The following MRTFA variants were observed in gnomAD, a reference collection of about 807,000 sequenced individuals.
MRTFA encodes myocardin related transcription factor A.
Under a neutral mutation model 83.5 loss-of-function variants are expected in MRTFA, and 20 were observed. The observed-to-expected ratio is 0.24, with a 90% confidence interval of 0.17 to 0.35. The LOEUF (loss-of-function observed/expected upper bound fraction) is 0.35, where lower values mean the gene tolerates loss of function less well. MRTFA is among the 10% of genes least tolerant of loss of function. The pLI, the probability that MRTFA is intolerant of heterozygous loss-of-function variation, is 1.00. For missense variants in MRTFA, 1,200 were observed against 1,224.7 expected, an observed-to-expected ratio of 0.98 and a Z score of 0.30; for synonymous variants, 659 against 541.2, an observed-to-expected ratio of 1.22 and a Z score of -3.02.
At position 40,411,471 on chromosome 22, in the gene MRTFA, G is replaced by C. The variant is rs1467516946; in HGVS notation, c.3015C>G (p.Leu1005=). The C allele has an allele frequency of 6.2e-7, 1 of 1,605,496 alleles. No homozygotes were observed. The highest frequency in any genetic ancestry group is 8.5e-7 in the Non-Finnish European group (1 of 1,173,262). Residue 1005 remains leucine (L), a synonymous_variant, in exon 15 of 15, where the codon CTC becomes CTG. Coordinates refer to ENST00000355630, the MANE Select transcript of MRTFA (RefSeq NM_020831.6). ...AGAAGAGGCTGGGGGCTGTGGTGCT[G>C]AGGGGGGCTAGGCTCAGCACGGGAC... is the stretch of plus-strand genomic sequence containing the variant.
At chr22:40,554,602 A>T (rs1189458091) in intron 2 of MRTFA, among the ~76,000 whole-genome samples, 2 of 152,212 alleles carry the variant, frequency 1.3e-5, no homozygotes, top group East Asian at 3.8e-4. Context: ...CTGTGAGTCA[A>T]TTAAACCTCT....
intron 4 of MRTFA, among the ~76,000 whole-genome samples, chr22:40,456,255 G>T (rs563259505): frequency 3.3e-5 from 5 of 152,078 alleles, no homozygotes; most frequent in Admixed American, 2.0e-4. Flanking sequence ...TTTAGCAGGG[G>T]GGTATATGAA....
chr22:40,504,417 G>A (rs117264470), intron 3 of MRTFA, among the ~76,000 whole-genome samples: 2 of 152,288 alleles, frequency 1.3e-5, no homozygotes, highest in East Asian at 1.9e-4. Context: ...CAAGATAAAT[G>A]CTATATCTAA....
At chr22:40,434,784 G>A (rs2053136418) in intron 5 of MRTFA, among the ~76,000 whole-genome samples, 1 of 152,128 alleles carries the variant, frequency 6.6e-6, no homozygotes, top group African/African-American at 2.4e-5. Context: ...GATCTGTCTA[G>A]GGGGATTATC....
intron 5 of MRTFA, among the ~76,000 whole-genome samples, chr22:40,432,707 T>G (rs183844138): frequency 3.3e-5 from 5 of 150,818 alleles, no homozygotes; most frequent in Admixed American, 6.6e-5. Context: ...AAAAGACTTG[T>G]CCTCACCTAG....
chr22:40,464,193 C>CAG (rs2053770117), intron 3 of MRTFA, among the ~76,000 whole-genome samples: 1 of 149,928 alleles, frequency 6.7e-6, no homozygotes. Context: ...CCCAGCTACT[C>CAG]AGGAGGCTGA....
chr22:40,576,835 C>T (rs1183849639), intron 2 of MRTFA, among the ~76,000 whole-genome samples: 1 of 152,196 alleles, frequency 6.6e-6, no homozygotes, highest in Non-Finnish European at 1.5e-5. Context: ...AATCCCAACA[C>T]TTTGAAAGGC....
intron 2 of MRTFA, among the ~76,000 whole-genome samples, chr22:40,573,440 A>C (rs2055825976): frequency 6.6e-6 from 1 of 152,114 alleles, no homozygotes; most frequent in Non-Finnish European, 1.5e-5. Context: ...TTTTTAGTAG[A>C]GACAGGGTTT....
At chr22:40,590,434 C>T (rs1316124173) in intron 2 of MRTFA, among the ~76,000 whole-genome samples, 1 of 151,634 alleles carries the variant, frequency 6.6e-6, no homozygotes, top group Non-Finnish European at 1.5e-5. Flanking sequence ...TTTGGGAGGT[C>T]GAGGTGGGTG....
chr22:40,441,577 G>A (rs1305576710), intron 4 of MRTFA, among the ~76,000 whole-genome samples: 2 of 152,236 alleles, frequency 1.3e-5, no homozygotes, highest in Non-Finnish European at 2.9e-5. Context: ...CTGAGGTCAG[G>A]AGTTCGAGAC....
At chr22:40,455,380 C>G (rs1044385951) in intron 4 of MRTFA, among the ~76,000 whole-genome samples, 10 of 151,836 alleles carry the variant, frequency 6.6e-5, no homozygotes, top group African/African-American at 2.4e-4. Context: ...GGTGCGGTGG[C>G]TCACACCTGT....
intron 1 of MRTFA, among the ~76,000 whole-genome samples, chr22:40,599,663 C>G (rs984815254): frequency 1.3e-5 from 2 of 152,066 alleles, no homozygotes; most frequent in African/African-American, 4.8e-5. Flanking sequence ...CTGGGAGAGG[C>G]AGAAGCGAGC....
chr22:40,569,122 G>T (rs1238434704), intron 2 of MRTFA, among the ~76,000 whole-genome samples: 1 of 152,160 alleles, frequency 6.6e-6, no homozygotes, highest in African/African-American at 2.4e-5. Context: ...TGGGTGCAAT[G>T]GTACACACCA....
chr22:40,498,273 ATT>A (rs1189933906), intron 3 of MRTFA, among the ~76,000 whole-genome samples: 60 of 40,894 alleles, frequency 1.5e-3, no homozygotes, highest in South Asian at 3.3e-3. Flanking sequence ...ATATATATAT[ATT>A]TTTTTTTTTT....
At chr22:40,628,943 A>C (rs896936660) in intron 1 of MRTFA, among the ~76,000 whole-genome samples, 5 of 152,180 alleles carry the variant, frequency 3.3e-5, no homozygotes, top group Non-Finnish European at 5.9e-5. Flanking sequence ...ACCTGCAGTG[A>C]CACAGAGTGT....
chr22:40,450,956 C>A (rs991479287), intron 4 of MRTFA, among the ~76,000 whole-genome samples: 5 of 152,328 alleles, frequency 3.3e-5, no homozygotes, highest in African/African-American at 1.2e-4. Flanking sequence ...TCCCATGACC[C>A]CTCTGAGGCT....
chr22:40,540,512 C>CA (rs1215808894), intron 3 of MRTFA, among the ~76,000 whole-genome samples: 1 of 152,064 alleles, frequency 6.6e-6, no homozygotes, highest in Non-Finnish European at 1.5e-5. Context: ...TCTAGCCAGG[C>CA]AGCGCGGTGG....
chr22:40,431,291 C>T, intron 6 of MRTFA, 114 bp downstream of exon 6: 1 of 990,258 alleles, frequency 1.0e-6, no homozygotes, highest in South Asian at 1.4e-5. Flanking sequence ...TCTGGCTTAC[C>T]CACTGCCAAC....
intron 4 of MRTFA, among the ~76,000 whole-genome samples, chr22:40,439,331 T>C (rs1242681087): frequency 1.3e-5 from 2 of 151,404 alleles, no homozygotes; most frequent in African/African-American, 4.9e-5. Context: ...GGCAAAACCA[T>C]GTCTCTACTA....
Sources: allele counts gnomAD v4.1 joint callset (sites outside exome capture counted in the v4.1 genomes callset), GRCh38; gene constraint gnomAD v4.1.1; transcripts MANE v1.5; gene names NCBI Gene and HGNC (gene_info 2026-07-23, HGNC 2026-07-21).